The following SDK1 variants were observed in gnomAD, a reference collection of about 807,000 sequenced individuals.
The protein encoded by SDK1 is sidekick cell adhesion molecule 1.
SDK1 carries 157 observed loss-of-function variants against 245.5 expected under a neutral mutation model. The observed-to-expected ratio is 0.64, with a 90% confidence interval of 0.56 to 0.73. The LOEUF is 0.73. SDK1 is among the 30% of genes least tolerant of loss of function. SDK1 has a pLI of 0.00. For synonymous variants in SDK1, 1,647 were observed against 1,278.5 expected, an observed-to-expected ratio of 1.29 and a Z score of -6.15; for missense variants, 3,583 against 3,002.3, an observed-to-expected ratio of 1.19 and a Z score of -4.52.
intron 9 of SDK1, among the ~76,000 whole-genome samples, chr7:3,965,329 A>G (rs973742871): frequency 1.3e-5 from 2 of 152,164 alleles, no homozygotes; most frequent in African/African-American, 4.8e-5. Context: ...TTTCTCATCC[A>G]TTAAAATGGA....
chr7:4,268,266 C>T lies in SDK1; in HGVS notation c.*2882C>T. On this transcript the variant is annotated 3_prime_UTR_variant, in exon 45 of 45. Transcript: ENST00000404826. ...TGGCCAGGAGGCTCCGTCTGAGCCACAGGGATGGGTGTGCAGAGCTCCCTC... is the reference window on the plus strand; with the variant it reads ...TGGCCAGGAGGCTCCGTCTGAGCCATAGGGATGGGTGTGCAGAGCTCCCTC... The T allele has an allele frequency of 1.0e-6, 1 of 1,002,722 alleles. No homozygotes were observed. Among genetic ancestry groups the T allele is most frequent in the Non-Finnish European group, 1.2e-6 (1 of 840,386 alleles). 62.1% of individuals were successfully genotyped at this position (1,002,722 alleles called of 1,614,324 possible).
intron 1 of SDK1, among the ~76,000 whole-genome samples, chr7:3,579,309 G>A (rs1199403808): frequency 6.6e-6 from 1 of 152,162 alleles, no homozygotes; most frequent in Admixed American, 6.5e-5. Flanking sequence ...AAGTCCAGCA[G>A]CACAAAAGGA....
chr7:4,130,541 T>G (rs1784737818), intron 27 of SDK1: 1 of 159,886 alleles, frequency 6.3e-6, no homozygotes, highest in African/African-American at 2.4e-5. Context: ...GTGGACCTCA[T>G]GCCTTACTTC....
intron 1 of SDK1, among the ~76,000 whole-genome samples, chr7:3,386,808 G>A (rs1012948213): frequency 6.6e-6 from 1 of 152,084 alleles, no homozygotes; most frequent in African/African-American, 2.4e-5. Context: ...TATCTTTTGG[G>A]GGACTGGATG....
chr7:4,143,189 G>C (rs1266243722), intron 28 of SDK1, among the ~76,000 whole-genome samples: 1 of 152,130 alleles, frequency 6.6e-6, no homozygotes, highest in Non-Finnish European at 1.5e-5. Flanking sequence ...CCCTGTCCTG[G>C]AGCTGCAGGG....
chr7:4,218,382 G>A (rs1237179955), intron 38 of SDK1, among the ~76,000 whole-genome samples: 4 of 151,204 alleles, frequency 2.6e-5, no homozygotes, highest in Admixed American at 1.3e-4. Flanking sequence ...GACAGAGCGA[G>A]ACTCCGTCTC....
rs537426138 is a variant in SDK1, at chr7:3,687,997, A to C, written c.713+45892A>C. Among the ~76,000 whole-genome samples, 5 of 152,256 alleles carry C rather than the reference A, an allele frequency of 3.3e-5. No individual in the cohort carries two copies. The South Asian group carries it at 1.0e-3, about 32-fold the overall frequency. ...TGGCACCCTCAAAGATTATTAGAGA[A>C]GGTTCTATTTCCAAAGATTAGAGGA... On this transcript the variant is annotated intron_variant, in intron 4 of 44. Transcript: ENST00000404826.
intron 22 of SDK1, among the ~76,000 whole-genome samples, chr7:4,099,817 C>T (rs1285586323): frequency 6.6e-6 from 1 of 151,010 alleles, no homozygotes; most frequent in African/African-American, 2.4e-5. Flanking sequence ...AAAGGCCATG[C>T]TTGGGGGCTG....
At chr7:3,403,870 A>G (rs866243883) in intron 1 of SDK1, among the ~76,000 whole-genome samples, 6 of 84,752 alleles carry the variant, frequency 7.1e-5, no homozygotes, top group African/African-American at 2.5e-4. Context: ...TATATATATA[A>G]TATATATATT....
chr7:3,775,479 C>T (rs985867276), intron 4 of SDK1, among the ~76,000 whole-genome samples: 5 of 151,788 alleles, frequency 3.3e-5, no homozygotes, highest in African/African-American at 1.2e-4. Context: ...GATGTATCTC[C>T]AGCTCTGACA....
At chr7:3,770,033 A>G (rs1780364301) in intron 4 of SDK1, among the ~76,000 whole-genome samples, 1 of 151,642 alleles carries the variant, frequency 6.6e-6, no homozygotes, top group Non-Finnish European at 1.5e-5. Context: ...GTCTCCATTC[A>G]TGGAGAATAG....
In SDK1 at chr7:3,495,066, T is replaced by C. The variant is rs193253302; in HGVS notation, c.299-124014T>C. 5.8e-4 allele frequency among the ~76,000 whole-genome samples: 88 copies of C among 152,260 alleles called. 1 individual carries two copies. Among genetic ancestry groups the C allele is most frequent in the African/African-American group, 1.9e-3 (81 of 41,562 alleles). On this transcript the variant is annotated intron_variant, in intron 1 of 44. Transcript: ENST00000404826. ...ATTTGTCTCTCTAAAGTGCTGTTAC[T>C]CTGGGGTATTCCCTGTCTTGGTTGA...
intron 19 of SDK1, among the ~76,000 whole-genome samples, chr7:4,062,080 T>G (rs992586440): frequency 2.6e-5 from 4 of 151,492 alleles, no homozygotes; most frequent in Non-Finnish European, 5.9e-5. Context: ...CATGTATACA[T>G]ATGTAACTAA....
intron 4 of SDK1, chr7:3,642,943 AT>A (rs1037054174): frequency 5.3e-5 from 8 of 152,370 alleles, no homozygotes; most frequent in African/African-American, 1.9e-4. Flanking sequence ...AGCAAATACT[AT>A]TGTTGTGCTT....
chr7:3,351,095 TACTG>T (rs891230806), intron 1 of SDK1, among the ~76,000 whole-genome samples: 3 of 152,206 alleles, frequency 2.0e-5, no homozygotes, highest in Non-Finnish European at 4.4e-5. Context: ...ACAGCTTGGT[TACTG>T]ACTAAGCTGC....
At chr7:3,562,427 A>G (rs1779777141) in intron 1 of SDK1, among the ~76,000 whole-genome samples, 1 of 152,192 alleles carries the variant, frequency 6.6e-6, no homozygotes, top group African/African-American at 2.4e-5. Context: ...CTGAGTTCTG[A>G]ATACCATGTT....
rs367871853 is a variant in SDK1 at position 3,364,632 on chromosome 7, TC to T, written c.298+62749del. ...TGCATTTTCTACTCTATTTCATTGA[TC>T]TGTGTATGTCCCCCAGCTGATAATA... is the stretch of plus-strand genomic sequence containing the variant. On this transcript the variant is annotated intron_variant, in intron 1 of 44. Coordinates refer to ENST00000404826, the MANE Select transcript of SDK1 (RefSeq NM_152744.4). Among the ~76,000 whole-genome samples, 149 of 152,328 alleles carry T rather than the reference TC, an allele frequency of 9.8e-4. 1 individual carries two copies. Among genetic ancestry groups the T allele is most frequent in the African/African-American group, 3.4e-3 (141 of 41,562 alleles).
intron 1 of SDK1, among the ~76,000 whole-genome samples, chr7:3,465,611 G>A (rs1048889661): frequency 6.6e-6 from 1 of 152,148 alleles, no homozygotes; most frequent in Admixed American, 6.5e-5. Context: ...CCTGTGTGCT[G>A]TGAACACACG....
intron 1 of SDK1, among the ~76,000 whole-genome samples, chr7:3,534,971 G>C (rs917673839): frequency 2.0e-5 from 3 of 152,142 alleles, no homozygotes; most frequent in African/African-American, 7.2e-5. Context: ...GGGGTGGCCA[G>C]CCTTCCCCGT....
Sources: allele counts gnomAD v4.1 joint callset (sites outside exome capture counted in the v4.1 genomes callset), GRCh38; gene constraint gnomAD v4.1.1; transcripts MANE v1.5; gene names NCBI Gene and HGNC (gene_info 2026-07-23, HGNC 2026-07-21).